Variants in NOP14 observed in about 807,000 individuals in gnomAD.
The protein encoded by NOP14 is nucleolar protein 14.
NOP14 carries 57 observed loss-of-function variants against 101.6 expected under a neutral mutation model. The ratio of observed to expected loss-of-function variants is 0.56; its 90% CI spans 0.45 to 0.70. The LOEUF (loss-of-function observed/expected upper bound fraction) is 0.70. NOP14 is among the 30% of genes least tolerant of loss of function. NOP14 has a pLI of 0.00. For synonymous variants in NOP14, 428 were observed against 424.0 expected (o/e 1.01, Z -0.12); for missense variants, 1,134 against 1,075.5 (o/e 1.05, Z -0.76).
intron 1 of NOP14, among the ~76,000 whole-genome samples, chr4:2,958,201 A>G (rs1715479136): frequency 1.3e-5 from 2 of 152,248 alleles, no homozygotes; most frequent in Admixed American, 6.5e-5. Flanking sequence ...TAAACAAGTT[A>G]GCGAGGTCAC....
rs1211260547 is a variant in NOP14 at position 2,953,435 on chromosome 4, C to T, written c.747+76G>A. 3 of 1,548,746 alleles carry T rather than the reference C, an allele frequency of 1.9e-6. No homozygotes were observed. The African/African-American group carries it at 4.1e-5, about 21-fold the overall frequency. ...GAGACAGGTAGAAGAGCCGTCCAGCCCCAGCCCTTTCTCTGGAGAAAGTCG... is the reference window on the plus strand; with the variant it reads ...GAGACAGGTAGAAGAGCCGTCCAGCTCCAGCCCTTTCTCTGGAGAAAGTCG... On this transcript the variant is annotated intron_variant, in intron 5 of 17. Transcript: ENST00000416614.
Position 2,948,381 on chromosome 4 carries a change from G to A in NOP14, c.1310C>T (p.Ser437Phe), listed in dbSNP as rs1290556732. Reference sequence around the variant, plus strand: ...TTCCATCGATCTTCCTAACAACAGAGATCTCAGTTCCTCATAGGATTCAGG... The same window carrying A: ...TTCCATCGATCTTCCTAACAACAGAAATCTCAGTTCCTCATAGGATTCAGG... The part of the protein sequence containing the change: ...AAPESYEELR[S>F]LLLGRSMEEQ... The change falls in exon 9 of 18, where the codon TCT (serine) becomes TTT (phenylalanine). Residue 437 changes from serine (S) to phenylalanine (F), a missense_variant. Ser to Phe is a radical substitution (Grantham distance 155, BLOSUM62 -2). Transcript: ENST00000416614. 6.2e-6 allele frequency: 10 copies of A among 1,612,380 alleles called. No homozygotes were observed. The highest frequency in any genetic ancestry group is 8.5e-6 in the Non-Finnish European group (10 of 1,179,502).
At chr4:2,955,098 G>A (rs1468508722) in intron 3 of NOP14, among the ~76,000 whole-genome samples, 14 of 140,230 alleles carry the variant, frequency 1.0e-4, no homozygotes, top group Non-Finnish European at 1.8e-4. Context: ...GCGCCACGGC[G>A]CCCCCTCTAG....
chr4:2,938,284 G>T lies in NOP14; in HGVS notation c.*547C>A. The T allele has an allele frequency of 1.7e-6, 2 of 1,205,280 alleles. No homozygotes were observed. The highest frequency in any genetic ancestry group is 2.2e-6 in the Non-Finnish European group (2 of 912,850). The allele number at this position is 1,205,280 out of a possible 1,614,324, so 74.7% of individuals were successfully genotyped here. On this transcript the variant is annotated 3_prime_UTR_variant, in exon 18 of 18. Coordinates refer to ENST00000416614, the MANE Select transcript of NOP14 (RefSeq NM_001291978.2). Reference sequence around the variant, plus strand: ...TGTGGCTCACACCTATAATTGGGGGGCCAAGGCAGGTGGATTACCTGAGGT... The same window carrying T: ...TGTGGCTCACACCTATAATTGGGGGTCCAAGGCAGGTGGATTACCTGAGGT...
At chr4:2,952,588 T>A (rs998596351) in intron 5 of NOP14, among the ~76,000 whole-genome samples, 191 bp from the exon 6 acceptor site, 1 of 152,134 alleles carries the variant, frequency 6.6e-6, no homozygotes, top group African/African-American at 2.4e-5. Context: ...GCGAAATCAG[T>A]GGACATTCGG....
chr4:2,962,462 G>T (rs1172655755), intron 1 of NOP14, among the ~76,000 whole-genome samples: 5 of 152,180 alleles, frequency 3.3e-5, no homozygotes, highest in Non-Finnish European at 7.4e-5. Context: ...GCAAGGGCAA[G>T]TCTTATTTAC....
At position 2,944,184 on chromosome 4, in the gene NOP14, C is replaced by T. The variant is rs746313588; in HGVS notation, c.1780G>A (p.Val594Met). 2.7e-5 allele frequency: 43 copies of T among 1,613,964 alleles called. No individual in the cohort carries two copies. The highest frequency in any genetic ancestry group is 5.3e-5 in the African/African-American group (4 of 74,940). The change falls in exon 13 of 18, where the codon GTG becomes ATG. Residue 594 changes from valine (V) to methionine (M), a missense_variant. Transcript: ENST00000416614. ...ACATACTCCAGGAACAGGCAGCACA[C>T]GAACAGGCCCTTCACCACGTCCTGG... is the stretch of plus-strand genomic sequence containing the variant. Reference protein sequence around the residue: ...SLQDVVKGLFVCCLFLEYVAL... With the variant: ...SLQDVVKGLFMCCLFLEYVAL...
rs866341917 is a variant in NOP14, at chr4:2,938,401, T to C, written c.*430A>G. ...TGGGCGTGGTGGCACATGTCTGTAA[T>C]CCCAGCTACTCGGGAGGCTGAGGCA... On this transcript the variant is annotated 3_prime_UTR_variant, in exon 18 of 18. Coordinates refer to ENST00000416614, the MANE Select transcript of NOP14 (RefSeq NM_001291978.2). 3 of 376,220 alleles carry C rather than the reference T, an allele frequency of 8.0e-6. No homozygotes were observed. The highest frequency in any genetic ancestry group is 1.6e-5 in the Non-Finnish European group (3 of 192,256). The allele number at this position is 376,220 out of a possible 1,614,324, so 23.3% of individuals were successfully genotyped here. A position where few individuals can be genotyped will look rare whatever the true frequency, so the allele number is the denominator to read the frequency against.
chr4:2,950,444 C>T (rs1714949540), intron 7 of NOP14: 1 of 575,272 alleles, frequency 1.7e-6, no homozygotes, highest in Non-Finnish European at 3.1e-6. Context: ...CGGCAGGATG[C>T]TGGGCGCGGT....
rs1054090 is a variant in NOP14 at position 2,941,634 on chromosome 4, T to G, written c.2147A>C (p.Gln716Pro). 5.0e-6 allele frequency: 8 copies of G among 1,612,490 alleles called. No individual in the cohort carries two copies. The African/African-American group carries it at 1.1e-4, about 22-fold the overall frequency. ...PSFHAIMGPL[Q>P]ALLTDHLADC... ...CGCCAGGTGATCCGTGAGGAGGGCT[T>G]GGAGAGGCCCCATGATGGCGTGGAA... The change falls in exon 15 of 18, where the codon CAA (glutamine) becomes CCA (proline). Residue 716 changes from glutamine to proline, a missense_variant. By Grantham distance (76) the Gln-to-Pro change is moderately conservative (BLOSUM62 -1). Coordinates refer to ENST00000416614, the MANE Select transcript of NOP14 (RefSeq NM_001291978.2).
In NOP14 at chr4:2,956,681, C is replaced by T. The variant is rs1398819929; in HGVS notation, c.461G>A (p.Gly154Glu). 6.2e-7 allele frequency: 1 copy of T among 1,612,304 alleles called. No individual in the cohort carries two copies. Among genetic ancestry groups the T allele is most frequent in the Non-Finnish European group, 8.5e-7 (1 of 1,179,538 alleles). The change falls in exon 3 of 18, where the codon GGA becomes GAA. Residue 154 changes from glycine (G) to glutamate (E), a missense_variant. By Grantham distance (98) the Gly-to-Glu change is moderately conservative. Transcript: ENST00000416614. Reference protein sequence around the residue: ...VDSDSDAEDRGTLSAELTAAH... With the variant: ...VDSDSDAEDRETLSAELTAAH... The stretch of plus-strand genomic sequence containing the variant: ...CACCCCAGCCTCACCAGACAACGTT[C>T]CTCGATCCTCAGCATCGCTGTCACT...
chr4:2,938,035 CCA>C lies in NOP14; in HGVS notation c.*794_*795del, dbSNP rs1172695105. 9.2e-6 allele frequency: 3 copies of C among 327,362 alleles called. No homozygotes were observed. The highest frequency in any genetic ancestry group is 9.9e-5 in the Admixed American group (2 of 20,212). The allele number at this position is 327,362 out of a possible 1,614,324, so 20.3% of individuals were successfully genotyped here. On this transcript the variant is annotated 3_prime_UTR_variant, in exon 18 of 18. Coordinates refer to ENST00000416614, the MANE Select transcript of NOP14 (RefSeq NM_001291978.2). ...ACAGAAATTACACTGGCCAGAATCCCCAGTCCCCATGAGGCTTGTCCAGACGC... is the reference window on the plus strand; with the variant it reads ...ACAGAAATTACACTGGCCAGAATCCCGTCCCCATGAGGCTTGTCCAGACGC...
At chr4:2,956,619 A>G (rs1412953437) in intron 3 of NOP14, 51 bp downstream of exon 3, 2 of 1,543,678 alleles carry the variant, frequency 1.3e-6, no homozygotes, top group Admixed American at 2.2e-5. Context: ...CAATGAACAG[A>G]CTCTCCCTGA....
chr4:2,948,851 A>G (rs1714829362), intron 8 of NOP14, among the ~76,000 whole-genome samples: 3 of 152,234 alleles, frequency 2.0e-5, no homozygotes, highest in African/African-American at 7.2e-5. Context: ...CAAACCCACC[A>G]GCGTTTGCCC....
Position 2,956,810 on chromosome 4 carries a change from C to A in NOP14, c.332G>T (p.Arg111Leu). 2 of 1,587,008 alleles carry A rather than the reference C, an allele frequency of 1.3e-6. No individual in the cohort carries two copies. The highest frequency in any genetic ancestry group is 1.7e-6 in the Non-Finnish European group (2 of 1,172,132). The part of the protein sequence containing the change: ...MMKRFALEQQ[R>L]HHEKKSIYNL... ...GTAGATGCTTTTTTTCTCATGATGT[C>A]GCTGACAGAAGAGAAAAAAAGTTTC... The change falls in exon 3 of 18, where the codon CGA becomes CTA. Residue 111 changes from arginine (R) to leucine (L), a missense_variant and splice_region_variant. Transcript: ENST00000416614.
At chr4:2,958,927 A>C (rs986008032) in intron 1 of NOP14, among the ~76,000 whole-genome samples, 3 of 152,244 alleles carry the variant, frequency 2.0e-5, no homozygotes, top group African/African-American at 7.2e-5. Context: ...GGGCAAGAGC[A>C]GAAGATGCTC....
chr4:2,939,429 G>C, intron 16 of NOP14, 86 bp from the exon 17 acceptor site: 1 of 1,593,120 alleles, frequency 6.3e-7, no homozygotes, highest in Non-Finnish European at 8.6e-7. Flanking sequence ...GCTTCACTCC[G>C]TAGTCATCTG....
At chr4:2,952,475 C>T in intron 5 of NOP14, 78 bp from the exon 6 acceptor site, 1 of 1,307,574 alleles carries the variant, frequency 7.6e-7, no homozygotes, top group Non-Finnish European at 1.0e-6. Context: ...ATCTAGCTTC[C>T]TGGCACATTC....
At chr4:2,961,206 A>ATATAG (rs368760007) in intron 1 of NOP14, 5 of 11,610 alleles carry the variant, frequency 4.3e-4, no homozygotes, top group African/African-American at 8.8e-4. Context: ...TATTATAATA[A>ATATAG]TATATTAATA....
Sources: allele counts gnomAD v4.1 joint callset (sites outside exome capture counted in the v4.1 genomes callset), GRCh38; gene constraint gnomAD v4.1.1; transcripts MANE v1.5; gene names NCBI Gene and HGNC (gene_info 2026-07-23, HGNC 2026-07-21).